ZMAT2: variants seen among roughly 807,000 people sequenced by gnomAD.
The protein encoded by ZMAT2 is zinc finger matrin-type protein 2.
Under a neutral mutation model 27.5 loss-of-function variants are expected in ZMAT2, and 5 were observed. The observed-to-expected ratio is 0.18, with a 90% CI of 0.10 to 0.38. The LOEUF is 0.38. Ranked by LOEUF, ZMAT2 falls within the 10% of genes least tolerant of loss-of-function variation. The probability of loss-of-function intolerance (pLI) is 1.00; values close to 1 mark genes in which losing one functional copy is unlikely to be tolerated. For missense variants in ZMAT2, 124 were observed against 243.9 expected, an observed-to-expected ratio of 0.51 and a Z score of 3.27; for synonymous variants, 76 against 78.6, an observed-to-expected ratio of 0.97 and a Z score of 0.17.
rs1336104844 is a variant in ZMAT2, at chr5:140,706,074, C to T, written c.*318C>T. 5 of 276,382 alleles carry T rather than the reference C, an allele frequency of 1.8e-5. No individual in the cohort carries two copies. Among genetic ancestry groups the T allele is most frequent in the South Asian group, 2.5e-4 (2 of 7,860 alleles). The allele number at this position is 276,382 out of a possible 1,614,324, so 17.1% of individuals were successfully genotyped here. A position where few individuals can be genotyped will look rare whatever the true frequency, so the allele number is the denominator to read the frequency against. On this transcript the variant is annotated 3_prime_UTR_variant, in exon 6 of 6. Coordinates refer to ENST00000274712, the MANE Select transcript of ZMAT2 (RefSeq NM_144723.3). ...AACTCCCCCTGCATCTTTATCTCTT[C>T]ATCTATCCCACCTCTTGTCTGAACA...
chr5:140,703,331 C>T (rs1357770244), intron 3 of ZMAT2, among the ~76,000 whole-genome samples: 3 of 151,002 alleles, frequency 2.0e-5, no homozygotes, highest in Non-Finnish European at 4.4e-5. Context: ...AGCCTCGCCT[C>T]CTGGGTTCAA....
intron 2 of ZMAT2, 43 bp downstream of exon 2, chr5:140,700,955 G>A (rs770026969): frequency 1.3e-6 from 2 of 1,589,616 alleles, no homozygotes; most frequent in Non-Finnish European, 1.7e-6. Context: ...TCACAGAGGC[G>A]ATGCGATGAT....
chr5:140,705,834 TC>T lies in ZMAT2; in HGVS notation c.*79del. 6.5e-7 allele frequency: 1 copy of T among 1,541,776 alleles called. No individual in the cohort carries two copies. Among genetic ancestry groups the T allele is most frequent in the Non-Finnish European group, 8.8e-7 (1 of 1,142,684 alleles). ...TGTGTGTGTGTAGTAGGGGGTCATT[TC>T]TTTTTGGGTAATGGGAAAGTTCTTA... On this transcript the variant is annotated 3_prime_UTR_variant, in exon 6 of 6. Coordinates refer to ENST00000274712, the MANE Select transcript of ZMAT2 (RefSeq NM_144723.3).
chr5:140,703,241 CTT>C (rs34233013), intron 3 of ZMAT2, among the ~76,000 whole-genome samples: 2 of 138,736 alleles, frequency 1.4e-5, no homozygotes, highest in African/African-American at 2.6e-5. Context: ...TTTTTCTTTT[CTT>C]TTTTTTTTTT....
intron 3 of ZMAT2, among the ~76,000 whole-genome samples, chr5:140,703,123 A>G (rs1194793262): frequency 6.6e-6 from 1 of 152,140 alleles, no homozygotes; most frequent in Non-Finnish European, 1.5e-5. Flanking sequence ...GTCTGCATTC[A>G]TATGAATCTT....
At chr5:140,701,393 C>T (rs1304979947) in intron 2 of ZMAT2, among the ~76,000 whole-genome samples, 1 of 152,172 alleles carries the variant, frequency 6.6e-6, no homozygotes, top group Non-Finnish European at 1.5e-5. Flanking sequence ...AGTGCTGTTT[C>T]TCTGTGCCTT....
chr5:140,705,578 A>T, intron 5 of ZMAT2, 35 bp from the exon 6 acceptor site: 3 of 1,580,856 alleles, frequency 1.9e-6, no homozygotes, highest in Non-Finnish European at 1.7e-6. Flanking sequence ...TTGGCTGAGG[A>T]GTCTAAACTG....
Position 140,702,174 on chromosome 5 carries a change from A to G in ZMAT2, c.236+45A>G, listed in dbSNP as rs752724058. 24 of 1,602,280 alleles carry G rather than the reference A, an allele frequency of 1.5e-5. No homozygotes were observed. In the South Asian group the frequency reaches 2.6e-4, roughly 17 times the overall value. On this transcript the variant is annotated intron_variant, in intron 3 of 5. Transcript: ENST00000274712. ...TCCTCTGCAGCCAAGAATGCATCTA[A>G]TAAGCCACCTATTTTGGTTTTAGGA... is the stretch of plus-strand genomic sequence containing the variant.
intron 2 of ZMAT2, among the ~76,000 whole-genome samples, chr5:140,701,382 T>C (rs539273863): frequency 3.7e-4 from 57 of 152,338 alleles, no homozygotes; most frequent in South Asian, 2.5e-3. Flanking sequence ...TAGAGCTTAG[T>C]AGTGCTGTTT....
rs1362283783 is a variant in ZMAT2 at position 140,705,769 on chromosome 5, T to A, written c.*13T>A. The A allele has an allele frequency of 6.2e-7, 1 of 1,612,752 alleles. No homozygotes were observed. Among genetic ancestry groups the A allele is most frequent in the Non-Finnish European group, 8.5e-7 (1 of 1,179,510 alleles). Reference sequence around the variant, plus strand: ...GAAGAGTTACTGAGGCTTTCTGTGCTTGGCCTGACTTTGGCCTATGCTGGA... The same window carrying A: ...GAAGAGTTACTGAGGCTTTCTGTGCATGGCCTGACTTTGGCCTATGCTGGA... On this transcript the variant is annotated 3_prime_UTR_variant, in exon 6 of 6. Transcript: ENST00000274712.
chr5:140,700,448 CTT>C lies in ZMAT2; in HGVS notation c.-12_-11del, dbSNP rs746724625. ...ACGGCGTTTTTCAGCTCGCCATTCACTTCGCTGTGAAGATGGCGTCGGGCAGC... is the reference window on the plus strand; with the variant it reads ...ACGGCGTTTTTCAGCTCGCCATTCACCGCTGTGAAGATGGCGTCGGGCAGC... On this transcript the variant is annotated 5_prime_UTR_variant, in exon 1 of 6. Coordinates refer to ENST00000274712, the MANE Select transcript of ZMAT2 (RefSeq NM_144723.3). The C allele has an allele frequency of 1.2e-6, 2 of 1,612,970 alleles. No individual in the cohort carries two copies. Among genetic ancestry groups the C allele is most frequent in the Admixed American group, 1.7e-5 (1 of 60,002 alleles).
intron 2 of ZMAT2, among the ~76,000 whole-genome samples, chr5:140,701,635 G>A (rs892868338): frequency 1.3e-5 from 2 of 152,172 alleles, no homozygotes; most frequent in African/African-American, 4.8e-5. Context: ...GCTCTCAGAA[G>A]GTTCCTTTCC....
intron 3 of ZMAT2, 27 bp from the exon 4 acceptor site, chr5:140,703,891 G>T: frequency 1.2e-6 from 2 of 1,603,968 alleles, no homozygotes; most frequent in South Asian, 2.2e-5. Context: ...AACCATATTT[G>T]ACTCAGGTGC....
At chr5:140,702,798 A>G (rs79722417) in intron 3 of ZMAT2, among the ~76,000 whole-genome samples, 315 of 152,318 alleles carry the variant, frequency 2.1e-3, no homozygotes, top group African/African-American at 7.3e-3. Context: ...TATAACCTAT[A>G]GGAAGAAGGG....
chr5:140,700,684 C>A, intron 1 of ZMAT2, 135 bp from the exon 2 acceptor site: 1 of 1,274,918 alleles, frequency 7.8e-7, no homozygotes. Flanking sequence ...GAGGCTACCT[C>A]AGTCTTCTCG....
intron 5 of ZMAT2, 21 bp from the exon 6 acceptor site, chr5:140,705,590 TTC>T (rs1760042696): frequency 4.4e-6 from 7 of 1,599,210 alleles, no homozygotes; most frequent in Middle Eastern, 1.7e-4. Context: ...TCTAAACTGA[TTC>T]TGAGTGATTT....
chr5:140,702,326 CA>C (rs779683576), intron 3 of ZMAT2, among the ~76,000 whole-genome samples, 197 bp downstream of exon 3: 105 of 152,166 alleles, frequency 6.9e-4, no homozygotes, highest in Non-Finnish European at 1.4e-3. Context: ...AGTGGTCACT[CA>C]GTGGGTTTCT....
At chr5:140,701,005 C>G in intron 2 of ZMAT2, 93 bp downstream of exon 2, 1 of 1,259,440 alleles carries the variant, frequency 7.9e-7, no homozygotes. Flanking sequence ...CCTTCCCACG[C>G]GGTGTAAGCT....
At chr5:140,700,500 G>A in intron 1 of ZMAT2, 22 bp downstream of exon 1, 3 of 1,612,936 alleles carry the variant, frequency 1.9e-6, no homozygotes, top group Non-Finnish European at 2.5e-6. Flanking sequence ...GTCTGAGGAG[G>A]AGGTTTTGCG....
Sources: allele counts gnomAD v4.1 joint callset (sites outside exome capture counted in the v4.1 genomes callset), GRCh38; gene constraint gnomAD v4.1.1; transcripts MANE v1.5; gene names NCBI Gene and HGNC (gene_info 2026-07-23, HGNC 2026-07-21).